Variants in PRKG1 observed in about 807,000 individuals in gnomAD.
PRKG1 encodes protein kinase cGMP-dependent 1, also known as cGMP-dependent protein kinase 1.
PRKG1 carries 35 observed loss-of-function variants against 88.1 expected under a neutral mutation model. The observed-to-expected ratio is 0.40, with a 90% confidence interval of 0.30 to 0.53. The LOEUF (loss-of-function observed/expected upper bound fraction) is 0.53. Ranked by LOEUF, PRKG1 falls within the 20% of genes least tolerant of loss-of-function variation. PRKG1 has a pLI of 0.59. For missense variants in PRKG1, 540 were observed against 839.8 expected, an observed-to-expected ratio of 0.64 and a Z score of 4.41; for synonymous variants, 303 against 292.5, an observed-to-expected ratio of 1.04 and a Z score of -0.37.
intron 11 of PRKG1, 91 bp downstream of exon 11, chr10:52,271,580 A>C: frequency 3.0e-6 from 4 of 1,340,162 alleles, no homozygotes; most frequent in South Asian, 3.5e-5. Context: ...CTGTTAACAC[A>C]TTTCGTATGC....
intron 2 of PRKG1, among the ~76,000 whole-genome samples, chr10:51,298,715 A>T (rs995617257): frequency 6.6e-6 from 1 of 152,314 alleles, no homozygotes; most frequent in Middle Eastern, 3.4e-3. Context: ...TATCATGCCG[A>T]TAGAATTAAA....
At chr10:51,618,329 G>A (rs1425063611) in intron 3 of PRKG1, among the ~76,000 whole-genome samples, 1 of 152,154 alleles carries the variant, frequency 6.6e-6, no homozygotes, top group African/African-American at 2.4e-5. Flanking sequence ...GTCATATAAA[G>A]TAACCCTACC....
At chr10:51,735,542 A>G (rs999472928) in intron 3 of PRKG1, among the ~76,000 whole-genome samples, 5 of 150,514 alleles carry the variant, frequency 3.3e-5, no homozygotes, top group Admixed American at 2.0e-4. Context: ...GAAACACAAG[A>G]AATATACAGG....
At chr10:51,711,264 C>T (rs1166216544) in intron 3 of PRKG1, among the ~76,000 whole-genome samples, 3 of 152,058 alleles carry the variant, frequency 2.0e-5, no homozygotes, top group African/African-American at 7.2e-5. Context: ...CGCCACCACG[C>T]CTGGCTAATT....
chr10:51,789,552 G>A (rs1322847677), intron 3 of PRKG1, among the ~76,000 whole-genome samples: 3 of 152,006 alleles, frequency 2.0e-5, no homozygotes, highest in African/African-American at 7.2e-5. Context: ...AATGTTTCTG[G>A]GTTTTGACAT....
intron 3 of PRKG1, among the ~76,000 whole-genome samples, chr10:51,507,647 G>A (rs1252719926): frequency 6.6e-6 from 1 of 152,054 alleles, no homozygotes; most frequent in Non-Finnish European, 1.5e-5. Flanking sequence ...TCCTTCTGCG[G>A]GTCATGAGTG....
intron 3 of PRKG1, among the ~76,000 whole-genome samples, chr10:51,527,224 G>A (rs962628897): frequency 6.6e-6 from 1 of 151,696 alleles, no homozygotes; most frequent in Admixed American, 6.6e-5. Flanking sequence ...TACTCTAAAT[G>A]AATAACGAAA....
intron 2 of PRKG1, among the ~76,000 whole-genome samples, chr10:51,370,558 G>A: frequency 6.6e-6 from 1 of 151,214 alleles, no homozygotes; most frequent in African/African-American, 2.4e-5. Flanking sequence ...CCCAGCAGCA[G>A]CCAGTCCCAG....
At chr10:51,910,241 T>TG (rs112829343) in intron 5 of PRKG1, 113,646 of 151,508 alleles carry the variant, frequency 0.75, 43,122 homozygotes, top group African/African-American at 0.87. Context: ...GTCACATAGG[T>TG]AAATCCAGTG....
At chr10:51,268,227 G>A (rs1183806556) in intron 2 of PRKG1, among the ~76,000 whole-genome samples, 1 of 152,068 alleles carries the variant, frequency 6.6e-6, no homozygotes, top group African/African-American at 2.4e-5. Flanking sequence ...ACAGGACCAG[G>A]GCGAAATTAA....
chr10:51,114,437 C>CTGTGTGTGTGTGTGTGTGTG (rs58190244), intron 1 of PRKG1, among the ~76,000 whole-genome samples: 26 of 150,280 alleles, frequency 1.7e-4, no homozygotes, highest in African/African-American at 6.4e-4. Flanking sequence ...ATGAGTGACT[C>CTGTGTGTGTGTGTGTGTGTG]TGTGTGTGTG....
chr10:51,866,090 A>G (rs1210914590), intron 4 of PRKG1, among the ~76,000 whole-genome samples: 1 of 152,024 alleles, frequency 6.6e-6, no homozygotes, highest in Admixed American at 6.6e-5. Flanking sequence ...GGATTTAAGT[A>G]AAATAATTGT....
In PRKG1 at chr10:51,088,198, C is replaced by T. The variant is rs536445568; in HGVS notation, c.311+13297C>T. 3.9e-5 allele frequency among the ~76,000 whole-genome samples: 6 copies of T among 152,250 alleles called. No homozygotes were observed. The East Asian group carries it at 5.8e-4, about 15-fold the overall frequency. ...TTAGTTTAAAATTTTTAAGTAGCTT[C>T]GGCTTGTTCCTCTTGAATCAAATTT... On this transcript the variant is annotated intron_variant, in intron 1 of 17. Transcript: ENST00000373980.
At chr10:52,181,394 G>C (rs1184436017) in intron 9 of PRKG1, among the ~76,000 whole-genome samples, 1 of 142,684 alleles carries the variant, frequency 7.0e-6, no homozygotes, top group Non-Finnish European at 1.5e-5. Flanking sequence ...ATAATGAAAA[G>C]AGGTTTATTT....
At chr10:51,891,717 C>T (rs1037039675) in intron 4 of PRKG1, among the ~76,000 whole-genome samples, 23 of 152,244 alleles carry the variant, frequency 1.5e-4, no homozygotes, top group East Asian at 3.9e-4. Flanking sequence ...TTTGTCGCAA[C>T]GCAACTACTC....
chr10:51,651,763 T>C (rs1840044856), intron 3 of PRKG1, among the ~76,000 whole-genome samples: 1 of 151,878 alleles, frequency 6.6e-6, no homozygotes, highest in Admixed American at 6.6e-5. Flanking sequence ...TTTGTGTTTT[T>C]AGTAAAGACA....
At chr10:52,145,408 C>T (rs1837703922) in intron 8 of PRKG1, among the ~76,000 whole-genome samples, 2 of 152,088 alleles carry the variant, frequency 1.3e-5, no homozygotes, top group Non-Finnish European at 2.9e-5. Context: ...ATTTCAGTTT[C>T]TAAATCATAA....
At chr10:51,574,951 T>A (rs1837847120) in intron 3 of PRKG1, among the ~76,000 whole-genome samples, 3 of 151,968 alleles carry the variant, frequency 2.0e-5, no homozygotes, top group African/African-American at 7.2e-5. Flanking sequence ...GAGAGACAAG[T>A]AACTGCCATG....
chr10:51,596,663 G>A (rs1011503010), intron 3 of PRKG1, among the ~76,000 whole-genome samples: 1 of 151,932 alleles, frequency 6.6e-6, no homozygotes, highest in African/African-American at 2.4e-5. Flanking sequence ...GTATATTTTT[G>A]TCTCCCACTT....
Sources: allele counts gnomAD v4.1 joint callset (sites outside exome capture counted in the v4.1 genomes callset), GRCh38; gene constraint gnomAD v4.1.1; transcripts MANE v1.5; gene names NCBI Gene and HGNC (gene_info 2026-07-23, HGNC 2026-07-21).